Variants in SMARCC1 observed in about 807,000 individuals in gnomAD.
SMARCC1 encodes the protein SWI/SNF complex subunit SMARCC1.
In SMARCC1, 43 loss-of-function variants were observed where a neutral mutation model predicts 147.4. That is an observed-to-expected ratio of 0.29 (90% confidence interval 0.23 to 0.38). The LOEUF is 0.38. SMARCC1 is among the 10% of genes least tolerant of loss of function. The pLI is 1.00. For synonymous variants in SMARCC1, 495 were observed against 484.4 expected (o/e 1.02, Z -0.29); for missense variants, 1,119 against 1,381.1 (o/e 0.81, Z 3.01).
rs1027637214 is a variant in SMARCC1, at chr3:47,602,929, C to T, written c.3043+7137G>A. On this transcript the variant is annotated intron_variant, in intron 26 of 27. Coordinates refer to ENST00000254480, the MANE Select transcript of SMARCC1 (RefSeq NM_003074.4). ...CTTTGGGAGGCCAAGGCGAGAGGATCGCGTGAGCTCAAGAGTTTGAGACCA... is the reference window on the plus strand; with the variant it reads ...CTTTGGGAGGCCAAGGCGAGAGGATTGCGTGAGCTCAAGAGTTTGAGACCA... 1.5e-4 allele frequency among the ~76,000 whole-genome samples: 23 copies of T among 152,076 alleles called. No individual in the cohort carries two copies. The East Asian group carries it at 1.5e-3, about 10-fold the overall frequency.
At chr3:47,601,472 G>A (rs2032385130) in intron 26 of SMARCC1, among the ~76,000 whole-genome samples, 1 of 152,070 alleles carries the variant, frequency 6.6e-6, no homozygotes, top group Admixed American at 6.6e-5. Flanking sequence ...CAAGTGAGGG[G>A]AAGCCCAGGC....
intron 6 of SMARCC1, among the ~76,000 whole-genome samples, chr3:47,725,650 C>T (rs2034289701): frequency 6.8e-6 from 1 of 147,382 alleles, no homozygotes; most frequent in South Asian, 2.5e-4. Flanking sequence ...CGGGGTTTCA[C>T]CATGTTGGCA....
At chr3:47,681,877 G>A (rs2033648180) in intron 14 of SMARCC1, among the ~76,000 whole-genome samples, 1 of 151,940 alleles carries the variant, frequency 6.6e-6, no homozygotes, top group Non-Finnish European at 1.5e-5. Flanking sequence ...TACAGGTTAG[G>A]AAAGGCCCAC....
intron 3 of SMARCC1, among the ~76,000 whole-genome samples, chr3:47,740,407 G>A (rs892279040): frequency 2.6e-5 from 4 of 151,136 alleles, no homozygotes; most frequent in African/African-American, 9.7e-5. Context: ...ATATTGGCAG[G>A]GCTGATCTCA....
chr3:47,751,325 G>A (rs532955329), intron 2 of SMARCC1, among the ~76,000 whole-genome samples: 2 of 152,154 alleles, frequency 1.3e-5, no homozygotes, highest in East Asian at 3.9e-4. Context: ...GGCTGATCAC[G>A]AGGTAAGGAG....
rs375611194 is a variant in SMARCC1 at position 47,726,372 on chromosome 3, C to T, written c.646+2653G>A. On this transcript the variant is annotated intron_variant, in intron 6 of 27. Coordinates refer to ENST00000254480, the MANE Select transcript of SMARCC1 (RefSeq NM_003074.4). ...CAGTGGAAACAACAATTTAGCTCTACATGGTGGAACGCTTTTAAAGAGTTT... is the reference window on the plus strand; with the variant it reads ...CAGTGGAAACAACAATTTAGCTCTATATGGTGGAACGCTTTTAAAGAGTTT... Among the ~76,000 whole-genome samples, 9 of 151,348 alleles carry T rather than the reference C, an allele frequency of 5.9e-5. No individual in the cohort carries two copies. In the East Asian group the frequency reaches 9.6e-4, roughly 16 times the overall value.
At chr3:47,600,409 A>T (rs966250162) in intron 26 of SMARCC1, among the ~76,000 whole-genome samples, 2 of 152,190 alleles carry the variant, frequency 1.3e-5, no homozygotes, top group African/African-American at 4.8e-5. Flanking sequence ...GGTAAGAATA[A>T]GGTTGAGTAA....
intron 24 of SMARCC1, among the ~76,000 whole-genome samples, chr3:47,625,323 T>A (rs1001630660): frequency 6.6e-6 from 1 of 151,756 alleles, no homozygotes; most frequent in Non-Finnish European, 1.5e-5. Flanking sequence ...TTTACAATTT[T>A]AAAAAAAGAA....
intron 26 of SMARCC1, among the ~76,000 whole-genome samples, chr3:47,597,548 G>A (rs948621783): frequency 6.6e-6 from 1 of 152,016 alleles, no homozygotes; most frequent in Non-Finnish European, 1.5e-5. Context: ...GGATGGTCTC[G>A]ATTTCCTGAC....
At chr3:47,635,877 G>C in intron 23 of SMARCC1, 145 bp downstream of exon 23, 1 of 572,916 alleles carries the variant, frequency 1.7e-6, no homozygotes, top group Non-Finnish European at 3.1e-6. Flanking sequence ...GCACCTATCT[G>C]AATGAAACTC....
intron 14 of SMARCC1, among the ~76,000 whole-genome samples, chr3:47,681,100 T>A (rs1299245105): frequency 1.3e-5 from 2 of 152,104 alleles, no homozygotes; most frequent in Admixed American, 1.3e-4. Flanking sequence ...TTTGGGATAA[T>A]ACAACATAAC....
chr3:47,600,233 C>T (rs549713613), intron 26 of SMARCC1, among the ~76,000 whole-genome samples: 3 of 152,194 alleles, frequency 2.0e-5, no homozygotes, highest in Non-Finnish European at 2.9e-5. Flanking sequence ...AAGCAATTTA[C>T]TTCTGCTTAT....
rs1339409092 is a variant in SMARCC1 at position 47,592,987 on chromosome 3, TTTTTTTA to T, written c.3044-2157_3044-2151del. ...GGTGTGCACCACCATGCCTGGCTCT[TTTTTTTA>T]TTTTTTATTTTTAGTAGAGACGGGG... On this transcript the variant is annotated intron_variant, in intron 26 of 27. Transcript: ENST00000254480. Among the ~76,000 whole-genome samples the T allele has an allele frequency of 5.3e-5, 8 of 151,894 alleles. No individual in the cohort carries two copies. In the South Asian group the frequency reaches 1.7e-3, roughly 32 times the overall value.
chr3:47,768,666 T>G (rs2034869975), intron 2 of SMARCC1, among the ~76,000 whole-genome samples: 1 of 152,184 alleles, frequency 6.6e-6, no homozygotes. Flanking sequence ...ATAGCTAATT[T>G]GATAATTCTA....
intron 24 of SMARCC1, among the ~76,000 whole-genome samples, chr3:47,631,817 G>A (rs940397343): frequency 6.6e-6 from 1 of 152,204 alleles, no homozygotes; most frequent in African/African-American, 2.4e-5. Flanking sequence ...GGCTACATAA[G>A]TTATATATTA....
intron 19 of SMARCC1, among the ~76,000 whole-genome samples, chr3:47,667,205 C>T (rs1240073516): frequency 6.6e-6 from 1 of 151,844 alleles, no homozygotes; most frequent in Non-Finnish European, 1.5e-5. Context: ...GTAGTCCCAG[C>T]TACTTGGGAG....
chr3:47,767,602 G>T (rs1480162982), intron 2 of SMARCC1, among the ~76,000 whole-genome samples: 1 of 141,594 alleles, frequency 7.1e-6, no homozygotes, highest in Non-Finnish European at 1.5e-5. Context: ...GGGTGCGGTG[G>T]CTCACGCCTG....
intron 22 of SMARCC1, among the ~76,000 whole-genome samples, chr3:47,636,744 A>G (rs927079703): frequency 6.6e-6 from 1 of 151,886 alleles, no homozygotes; most frequent in Non-Finnish European, 1.5e-5. Flanking sequence ...AGCAAGAGTG[A>G]GACTCCATCT....
intron 24 of SMARCC1, among the ~76,000 whole-genome samples, chr3:47,625,694 A>G (rs1162988364): frequency 1.3e-5 from 2 of 152,232 alleles, no homozygotes; most frequent in Admixed American, 1.3e-4. Context: ...TGGATCATAG[A>G]TCTAAATATA....
Sources: allele counts gnomAD v4.1 joint callset (sites outside exome capture counted in the v4.1 genomes callset), GRCh38; gene constraint gnomAD v4.1.1; transcripts MANE v1.5; gene names NCBI Gene and HGNC (gene_info 2026-07-23, HGNC 2026-07-21).